TIMM9: variants seen among roughly 807,000 people sequenced by gnomAD.
The protein encoded by TIMM9 is mitochondrial import inner membrane translocase subunit Tim9.
Under a neutral mutation model 13.4 loss-of-function variants are expected in TIMM9, and 10 were observed. The ratio of observed to expected loss-of-function variants is 0.75; its 90% CI spans 0.46 to 1.26. TIMM9 has a LOEUF of 1.26. Ranked by LOEUF, TIMM9 falls within the 50% of genes most tolerant of loss-of-function variation. The probability of loss-of-function intolerance (pLI) is 0.00; values close to 1 mark genes in which losing one functional copy is unlikely to be tolerated. For missense variants in TIMM9, 87 were observed against 100.8 expected (o/e 0.86, Z 0.58); for synonymous variants, 32 against 32.1 (o/e 1.00, Z 0.01).
intron 2 of TIMM9, among the ~76,000 whole-genome samples, chr14:58,425,940 C>T (rs368349720): frequency 6.6e-6 from 1 of 151,704 alleles, no homozygotes; most frequent in African/African-American, 2.4e-5. Context: ...ATGGTGAAAC[C>T]CCGTCTCTAA....
chr14:58,414,659 C>A lies in TIMM9; in HGVS notation c.-26-2688G>T, dbSNP rs1011382709. Among the ~76,000 whole-genome samples the A allele has an allele frequency of 2.6e-5, 4 of 151,342 alleles. No homozygotes were observed. The South Asian group carries it at 6.3e-4, about 24-fold the overall frequency. ...AGGCTGAGGCAGGAGAACTGCTTGA[C>A]CCCTTGGGCGGAGGTTGCAGTGAGC... On this transcript the variant is annotated intron_variant, in intron 3 of 5. Coordinates refer to ENST00000395159, the MANE Select transcript of TIMM9 (RefSeq NM_012460.4).
intron 1 of TIMM9, 69 bp from the exon 2 acceptor site, chr14:58,427,311 G>C: frequency 3.0e-6 from 1 of 335,124 alleles, no homozygotes; most frequent in Non-Finnish European, 5.6e-6. Flanking sequence ...GTTATTTTCT[G>C]CTTAGACAAC....
At chr14:58,414,405 C>T (rs1015095205) in intron 3 of TIMM9, among the ~76,000 whole-genome samples, 3 of 152,116 alleles carry the variant, frequency 2.0e-5, no homozygotes, top group South Asian at 2.1e-4. Flanking sequence ...CAGTCTCAAC[C>T]ATACCTATAC....
intron 4 of TIMM9, 28 bp downstream of exon 4, chr14:58,411,879 T>C: frequency 6.2e-7 from 1 of 1,612,232 alleles, no homozygotes; most frequent in Non-Finnish European, 8.5e-7. Context: ...TTTTGCAAAA[T>C]CTTTTCCCCT....
chr14:58,413,773 T>C (rs1370942782), intron 3 of TIMM9, among the ~76,000 whole-genome samples: 1 of 151,940 alleles, frequency 6.6e-6, no homozygotes, highest in East Asian at 1.9e-4. Flanking sequence ...TTTGGGAGGC[T>C]GAGGCGGGCA....
chr14:58,416,211 G>A (rs985818415), intron 3 of TIMM9, among the ~76,000 whole-genome samples: 1 of 152,076 alleles, frequency 6.6e-6, no homozygotes, highest in African/African-American at 2.4e-5. Context: ...CTGGGTGACA[G>A]AGTGAGACTC....
Position 58,408,638 on chromosome 14 carries a change from AAAC to A in TIMM9, c.*393_*395del. ...AGAATACTATGGTACCATACAGTAT[AAAC>A]AACTGCTCAGTGATATTTCCATTTA... On this transcript the variant is annotated 3_prime_UTR_variant, in exon 6 of 6. Transcript: ENST00000395159. 1 of 1,496,454 alleles carries A rather than the reference AAAC, an allele frequency of 6.7e-7. No individual in the cohort carries two copies. Among genetic ancestry groups the A allele is most frequent in the Non-Finnish European group, 9.1e-7 (1 of 1,094,178 alleles). The allele number at this position is 1,496,454 out of a possible 1,614,324, so 92.7% of individuals were successfully genotyped here.
At chr14:58,416,066 A>T (rs2036398218) in intron 3 of TIMM9, among the ~76,000 whole-genome samples, 2 of 151,488 alleles carry the variant, frequency 1.3e-5, no homozygotes, top group African/African-American at 4.9e-5. Flanking sequence ...AAAAAAAAAA[A>T]AAAATACAAA....
intron 2 of TIMM9, among the ~76,000 whole-genome samples, chr14:58,425,401 C>T (rs1489583087): frequency 6.6e-6 from 1 of 151,650 alleles, no homozygotes; most frequent in Non-Finnish European, 1.5e-5. Flanking sequence ...CTAGTTTCTA[C>T]AAAAAAGTAA....
Position 58,427,500 on chromosome 14 carries a change from T to TA in TIMM9, c.-413dup. 8.0e-7 allele frequency: 1 copy of TA among 1,247,386 alleles called. No homozygotes were observed. The highest frequency in any genetic ancestry group is 1.3e-5 in the South Asian group (1 of 75,622). The allele number at this position is 1,247,386 out of a possible 1,614,324, so 77.3% of individuals were successfully genotyped here. A position where few individuals can be genotyped will look rare whatever the true frequency, so the allele number is the denominator to read the frequency against. On this transcript the variant is annotated 5_prime_UTR_variant, in exon 1 of 6. Transcript: ENST00000395159. ...GCTCTTCAAGTCTTGGATGAGACTGTAGAGCGGTCTTGTGCGGCAATGTGC... is the reference window on the plus strand; with the variant it reads ...GCTCTTCAAGTCTTGGATGAGACTGTAAGAGCGGTCTTGTGCGGCAATGTGC...
chr14:58,408,545 T>C lies in TIMM9; in HGVS notation c.*489A>G, dbSNP rs1445754163. ...ATTCACCAGCAATTTGAGGCAGACATGAATGAACAGGACTGCTTGGAGGAT... is the reference window on the plus strand; with the variant it reads ...ATTCACCAGCAATTTGAGGCAGACACGAATGAACAGGACTGCTTGGAGGAT... On this transcript the variant is annotated 3_prime_UTR_variant, in exon 6 of 6. Transcript: ENST00000395159. 3 of 1,613,810 alleles carry C rather than the reference T, an allele frequency of 1.9e-6. No individual in the cohort carries two copies. The South Asian group carries it at 3.3e-5, about 18-fold the overall frequency.
intron 3 of TIMM9, among the ~76,000 whole-genome samples, chr14:58,422,738 C>T (rs1463344758): frequency 6.6e-6 from 1 of 152,058 alleles, no homozygotes; most frequent in Non-Finnish European, 1.5e-5. Context: ...ACTATGTTAA[C>T]ACTATGATTT....
At chr14:58,409,824 T>C (rs968225067) in intron 5 of TIMM9, among the ~76,000 whole-genome samples, 3 of 152,098 alleles carry the variant, frequency 2.0e-5, no homozygotes, top group African/African-American at 7.2e-5. Context: ...GTGATCCGCC[T>C]GCCTCAGCCT....
intron 3 of TIMM9, among the ~76,000 whole-genome samples, chr14:58,419,391 G>T (rs965274956): frequency 2.7e-5 from 4 of 148,524 alleles, no homozygotes; most frequent in African/African-American, 7.4e-5. Context: ...GGAGGTAGAG[G>T]CTGCAGTAAG....
intron 3 of TIMM9, among the ~76,000 whole-genome samples, chr14:58,413,531 G>T (rs982080223): frequency 8.5e-5 from 13 of 152,098 alleles, no homozygotes; most frequent in African/African-American, 3.1e-4. Context: ...ATAATCTAAC[G>T]TGGCGGCAAC....
intron 3 of TIMM9, 184 bp from the exon 4 acceptor site, chr14:58,412,155 T>C (rs2036240890): frequency 2.0e-6 from 1 of 500,898 alleles, no homozygotes; most frequent in Non-Finnish European, 3.6e-6. Context: ...ATTTTCTTTT[T>C]TTTTTTGAGA....
chr14:58,424,438 A>T (rs1206165943), intron 2 of TIMM9, among the ~76,000 whole-genome samples: 1 of 152,170 alleles, frequency 6.6e-6, no homozygotes, highest in Non-Finnish European at 1.5e-5. Flanking sequence ...GAGCCTAACT[A>T]AGGTCTTTGG....
At chr14:58,426,214 T>C (rs1239789585) in intron 2 of TIMM9, among the ~76,000 whole-genome samples, 2 of 151,796 alleles carry the variant, frequency 1.3e-5, no homozygotes, top group Non-Finnish European at 2.9e-5. Flanking sequence ...TCTTTTTTTT[T>C]CTTTTTTTTT....
chr14:58,417,839 C>CT (rs2036466032), intron 3 of TIMM9, among the ~76,000 whole-genome samples: 1 of 151,874 alleles, frequency 6.6e-6, no homozygotes, highest in African/African-American at 2.4e-5. Flanking sequence ...ACTGACAAAC[C>CT]TACTAGCAAG....
Sources: gnomAD v4.1 joint callset for allele counts (sites outside exome capture counted in the v4.1 genomes callset) on GRCh38, gnomAD v4.1.1 for gene constraint, MANE v1.5 for transcripts, NCBI Gene and HGNC (gene_info 2026-07-23, HGNC 2026-07-21) for gene names.